The following IMMP2L variants were observed in gnomAD, a reference collection of about 807,000 sequenced individuals.
IMMP2L encodes the protein inner mitochondrial membrane peptidase subunit 2, also known as mitochondrial inner membrane protease subunit 2.
Under a neutral mutation model 19.3 loss-of-function variants are expected in IMMP2L, and 18 were observed. The observed-to-expected ratio is 0.93, with a 90% confidence interval of 0.64 to 1.38. The LOEUF (loss-of-function observed/expected upper bound fraction) is 1.38. IMMP2L is among the 40% of genes most tolerant of loss of function. The pLI is 0.00. For missense variants in IMMP2L, 233 were observed against 218.2 expected (o/e 1.07, Z -0.43); for synonymous variants, 76 against 73.0 (o/e 1.04, Z -0.21).
At position 111,348,784 on chromosome 7, in the gene IMMP2L, A is replaced by T. The variant is rs544263568; in HGVS notation, c.239+138454T>A. On this transcript the variant is annotated intron_variant, in intron 3 of 5. Transcript: ENST00000405709. The stretch of plus-strand genomic sequence containing the variant: ...CTCGATGCTCTCCTGGTACAAAATG[A>T]ACCTGTGCCATTTACATATTAGCTG... Among the ~76,000 whole-genome samples the T allele has an allele frequency of 2.0e-5, 3 of 152,204 alleles. No homozygotes were observed. The South Asian group carries it at 6.2e-4, about 32-fold the overall frequency.
intron 2 of IMMP2L, among the ~76,000 whole-genome samples, chr7:111,516,357 G>C (rs1288929183): frequency 1.3e-5 from 2 of 151,744 alleles, no homozygotes; most frequent in African/African-American, 4.8e-5. Flanking sequence ...AGAGGGAGAG[G>C]AAGAGGAGGG....
intron 3 of IMMP2L, among the ~76,000 whole-genome samples, chr7:111,108,586 G>A (rs954299636): frequency 6.6e-6 from 1 of 152,056 alleles, no homozygotes; most frequent in Non-Finnish European, 1.5e-5. Context: ...TATAATGAGA[G>A]TAGACATTGG....
chr7:110,898,792 CT>C (rs1490143863), intron 4 of IMMP2L, among the ~76,000 whole-genome samples: 1 of 148,966 alleles, frequency 6.7e-6, no homozygotes, highest in Non-Finnish European at 1.5e-5. Flanking sequence ...AAAATCAGCT[CT>C]TTTTCCTGAG....
chr7:111,469,117 T>C (rs572544909), intron 3 of IMMP2L, among the ~76,000 whole-genome samples: 1 of 152,210 alleles, frequency 6.6e-6, no homozygotes, highest in South Asian at 2.1e-4. Flanking sequence ...GATCTATATC[T>C]CTGTTTTGGT....
At chr7:111,402,998 C>A (rs542271019) in intron 3 of IMMP2L, among the ~76,000 whole-genome samples, 36 of 99,728 alleles carry the variant, frequency 3.6e-4, no homozygotes, top group South Asian at 8.8e-4. Flanking sequence ...TTGACCCCCC[C>A]CCCCCACCCC....
rs529548431 is a variant in IMMP2L, at chr7:111,494,412, AAAC to A, written c.136-7074_136-7072del. ...ACCATACAATTAGTTGAGAGCTTGG[AAAC>A]AACAACAAGGAAGAGGAAAGGTAAA... On this transcript the variant is annotated intron_variant, in intron 2 of 5. Transcript: ENST00000405709. Among the ~76,000 whole-genome samples, 60 of 152,302 alleles carry A rather than the reference AAAC, an allele frequency of 3.9e-4. No individual in the cohort carries two copies. In the East Asian group the frequency reaches 7.1e-3, roughly 18 times the overall value.
At chr7:111,249,952 G>A (rs1483388886) in intron 3 of IMMP2L, among the ~76,000 whole-genome samples, 2 of 152,188 alleles carry the variant, frequency 1.3e-5, no homozygotes, top group Admixed American at 6.5e-5. Flanking sequence ...AACAGGAAGA[G>A]AAGAAGTCAA....
At chr7:111,055,223 G>C (rs915572528) in intron 3 of IMMP2L, among the ~76,000 whole-genome samples, 5 of 151,840 alleles carry the variant, frequency 3.3e-5, no homozygotes, top group African/African-American at 1.2e-4. Flanking sequence ...TTTTTTTGTA[G>C]ACACAGAGTC....
intron 3 of IMMP2L, among the ~76,000 whole-genome samples, chr7:111,430,734 A>G (rs1382421232): frequency 4.0e-5 from 6 of 151,834 alleles, no homozygotes; most frequent in Non-Finnish European, 8.8e-5. Context: ...TGCACAAAAT[A>G]AGAACCTATA....
intron 2 of IMMP2L, among the ~76,000 whole-genome samples, chr7:111,518,496 G>A (rs914630654): frequency 6.6e-6 from 1 of 151,950 alleles, no homozygotes; most frequent in Non-Finnish European, 1.5e-5. Flanking sequence ...AGGATGCTCA[G>A]TGACTTCCAG....
chr7:110,763,478 G>C (rs1245356730), intron 5 of IMMP2L, among the ~76,000 whole-genome samples: 2 of 152,122 alleles, frequency 1.3e-5, no homozygotes, highest in African/African-American at 2.4e-5. Flanking sequence ...CTTTGTGAAA[G>C]AGTGTTATAT....
intron 4 of IMMP2L, among the ~76,000 whole-genome samples, chr7:110,954,835 C>A (rs1818202568): frequency 1.3e-5 from 2 of 151,954 alleles, no homozygotes; most frequent in Non-Finnish European, 2.9e-5. Context: ...GAAAATAAAA[C>A]CATTCAAGGA....
chr7:111,327,582 A>G (rs1825453286), intron 3 of IMMP2L, among the ~76,000 whole-genome samples: 1 of 151,662 alleles, frequency 6.6e-6, no homozygotes, highest in Admixed American at 6.6e-5. Flanking sequence ...TACATAATAT[A>G]TTAATAAATA....
chr7:111,484,964 T>C (rs1563251302), intron 3 of IMMP2L, among the ~76,000 whole-genome samples: 1 of 152,042 alleles, frequency 6.6e-6, no homozygotes, highest in Non-Finnish European at 1.5e-5. Flanking sequence ...ATTTTTGTAT[T>C]TTTTGTAGAG....
chr7:110,787,253 T>C (rs1211653676), intron 5 of IMMP2L, among the ~76,000 whole-genome samples: 2 of 152,026 alleles, frequency 1.3e-5, no homozygotes, highest in African/African-American at 2.4e-5. Context: ...ACATGCTGTA[T>C]TGCACATTTT....
chr7:110,944,404 A>C (rs560914083), intron 4 of IMMP2L, among the ~76,000 whole-genome samples: 1 of 150,720 alleles, frequency 6.6e-6, no homozygotes, highest in South Asian at 2.1e-4. Flanking sequence ...GAAGATAAGC[A>C]TGAAAGTATT....
chr7:110,923,155 G>A (rs1814487731), intron 4 of IMMP2L, among the ~76,000 whole-genome samples: 1 of 152,140 alleles, frequency 6.6e-6, no homozygotes, highest in Non-Finnish European at 1.5e-5. Flanking sequence ...CATGTAAACA[G>A]TGAGTCATTT....
intron 3 of IMMP2L, among the ~76,000 whole-genome samples, chr7:111,330,181 C>T (rs533516221): frequency 1.3e-5 from 2 of 151,232 alleles, no homozygotes; most frequent in African/African-American, 2.4e-5. Context: ...AAGAAAAATA[C>T]AAAATCACAT....
At chr7:111,007,384 G>C (rs1824404414) in intron 3 of IMMP2L, among the ~76,000 whole-genome samples, 1 of 152,018 alleles carries the variant, frequency 6.6e-6, no homozygotes, top group South Asian at 2.1e-4. Flanking sequence ...CATTCCATCA[G>C]AATTGCTAGG....
Sources: allele counts gnomAD v4.1 joint callset (sites outside exome capture counted in the v4.1 genomes callset), GRCh38; gene constraint gnomAD v4.1.1; transcripts MANE v1.5; gene names NCBI Gene and HGNC (gene_info 2026-07-23, HGNC 2026-07-21).